Variants in CCDC50 observed in about 807,000 individuals in gnomAD.
CCDC50 encodes the protein coiled-coil domain-containing protein 50.
CCDC50 carries 54 observed loss-of-function variants against 70.2 expected under a neutral mutation model. That is an observed-to-expected ratio of 0.77 (90% CI 0.62 to 0.96). CCDC50 has a LOEUF of 0.96. Ranked by LOEUF, CCDC50 falls within the 50% of genes least tolerant of loss-of-function variation. The pLI is 0.00. For synonymous variants in CCDC50, 216 were observed against 198.8 expected (o/e 1.09, Z -0.73); for missense variants, 558 against 578.7 (o/e 0.96, Z 0.37).
rs1713875823 is a variant in CCDC50, at chr3:191,396,826, C to T, written c.*5066C>T. 6.6e-6 allele frequency: 1 copy of T among 152,158 alleles called. No homozygotes were observed. The highest frequency in any genetic ancestry group is 6.5e-5 in the Admixed American group (1 of 15,268). The allele number at this position is 152,158 out of a possible 1,614,324, so 9.4% of individuals were successfully genotyped here. ...GTTTGATGCCACAGGCTAACACAAT[C>T]GTGTAATCATGTTGAGTTGTAGAAA... On this transcript the variant is annotated 3_prime_UTR_variant, in exon 12 of 12. Coordinates refer to ENST00000392455, the MANE Select transcript of CCDC50 (RefSeq NM_178335.3).
At chr3:191,370,486 GT>G (rs11328862) in intron 5 of CCDC50, among the ~76,000 whole-genome samples, 42,574 of 139,686 alleles carry the variant, frequency 0.3, 6,280 homozygotes, top group Non-Finnish European at 0.33. Flanking sequence ...TTGTTTTTTT[GT>G]TTTTTTTTTT....
chr3:191,329,657 C>T lies in CCDC50; in HGVS notation c.-18C>T, dbSNP rs777422774. 2 of 1,606,024 alleles carry T rather than the reference C, an allele frequency of 1.2e-6. No homozygotes were observed. Among genetic ancestry groups the T allele is most frequent in the Non-Finnish European group, 1.7e-6 (2 of 1,177,054 alleles). On this transcript the variant is annotated 5_prime_UTR_variant, in exon 1 of 12. Coordinates refer to ENST00000392455, the MANE Select transcript of CCDC50 (RefSeq NM_178335.3). ...CGGGAAGCCCGCGTTAAAGGGGCAA[C>T]CGGGACCCTGGCCCGGTATGGCTGA...
chr3:191,345,294 T>C (rs1452671852), intron 1 of CCDC50, among the ~76,000 whole-genome samples: 1 of 152,216 alleles, frequency 6.6e-6, no homozygotes, highest in Non-Finnish European at 1.5e-5. Flanking sequence ...ACAGGAAGCT[T>C]ATGAGGTTGT....
chr3:191,336,569 A>G (rs1711525393), intron 1 of CCDC50, among the ~76,000 whole-genome samples: 1 of 152,106 alleles, frequency 6.6e-6, no homozygotes, highest in Admixed American at 6.6e-5. Context: ...TACAGTTCTT[A>G]CTAGATACAC....
Position 191,337,402 on chromosome 3 carries a change from C to CT in CCDC50, c.49+7689dup, listed in dbSNP as rs914947188. On this transcript the variant is annotated intron_variant, in intron 1 of 11. Transcript: ENST00000392455. ...TTAAATCATTTTTCTTTCTCTCTCT[C>CT]TTTTTTTTTTAAGACGGTGTCTAGC... is the stretch of plus-strand genomic sequence containing the variant. 1.1e-4 allele frequency among the ~76,000 whole-genome samples: 17 copies of CT among 148,596 alleles called. No homozygotes were observed. The East Asian group carries it at 1.2e-3, about 10-fold the overall frequency.
chr3:191,391,890 G>T lies in CCDC50; in HGVS notation c.*130G>T. On this transcript the variant is annotated 3_prime_UTR_variant, in exon 12 of 12. Coordinates refer to ENST00000392455, the MANE Select transcript of CCDC50 (RefSeq NM_178335.3). Reference sequence around the variant, plus strand: ...GGGATTTATCCTCAAGTGCATTTCTGACCATAAGTAATTTTAATTCATTTC... The same window carrying T: ...GGGATTTATCCTCAAGTGCATTTCTTACCATAAGTAATTTTAATTCATTTC... 1.2e-6 allele frequency: 1 copy of T among 800,650 alleles called. No homozygotes were observed. The highest frequency in any genetic ancestry group is 1.6e-5 in the South Asian group (1 of 63,048). The allele number at this position is 800,650 out of a possible 1,614,324, so 49.6% of individuals were successfully genotyped here. A position where few individuals can be genotyped will look rare whatever the true frequency, so the allele number is the denominator to read the frequency against.
chr3:191,359,042 A>G (rs745767570), intron 3 of CCDC50, among the ~76,000 whole-genome samples: 2 of 152,218 alleles, frequency 1.3e-5, no homozygotes, highest in South Asian at 2.1e-4. Flanking sequence ...ATCTGGCACC[A>G]TGAAAGGAGA....
intron 1 of CCDC50, among the ~76,000 whole-genome samples, chr3:191,343,118 G>A (rs1002360570): frequency 1.3e-5 from 2 of 152,138 alleles, no homozygotes; most frequent in African/African-American, 4.8e-5. Flanking sequence ...ATATACCTGA[G>A]TTCCGCAGGG....
chr3:191,380,243 T>C lies in CCDC50; in HGVS notation c.1061T>C (p.Ile354Thr). The C allele has an allele frequency of 6.2e-7, 1 of 1,612,794 alleles. No homozygotes were observed. The highest frequency in any genetic ancestry group is 2.2e-5 in the East Asian group (1 of 44,820). The change falls in exon 7 of 12, where the codon ATT (isoleucine) becomes ACT (threonine). Residue 354 changes from isoleucine (I) to threonine (T), a missense_variant. Transcript: ENST00000392455. The stretch of plus-strand genomic sequence containing the variant: ...GATCAGGAATGGTATGATGCTGAAA[T>C]TGCCAGAAAACTGCAAGAAGAAGAA... ...HRDQEWYDAE[I>T]ARKLQEEELL...
chr3:191,388,673 A>G (rs1713581233), intron 10 of CCDC50, among the ~76,000 whole-genome samples: 1 of 152,218 alleles, frequency 6.6e-6, no homozygotes. Context: ...CTATAACTTT[A>G]CAAACTTCAG....
At chr3:191,362,411 C>T (rs1190523989) in intron 4 of CCDC50, among the ~76,000 whole-genome samples, 1 of 152,120 alleles carries the variant, frequency 6.6e-6, no homozygotes, top group Non-Finnish European at 1.5e-5. Context: ...TGGCATGAGC[C>T]CCTGTGCCCA....
rs1484573965 is a variant in CCDC50 at position 191,397,559 on chromosome 3, A to G, written c.*5799A>G. On this transcript the variant is annotated 3_prime_UTR_variant, in exon 12 of 12. Coordinates refer to ENST00000392455, the MANE Select transcript of CCDC50 (RefSeq NM_178335.3). ...TTCCCTAAGAAGAATCCATCCCAGC[A>G]CATATTTTGAAAAGGTGCTGAATTA... 1 of 152,234 alleles carries G rather than the reference A, an allele frequency of 6.6e-6. No individual in the cohort carries two copies. Among genetic ancestry groups the G allele is most frequent in the Non-Finnish European group, 1.5e-5 (1 of 68,030 alleles). 9.4% of individuals were successfully genotyped at this position (152,234 alleles called of 1,614,324 possible). A position where few individuals can be genotyped will look rare whatever the true frequency, so the allele number is the denominator to read the frequency against.
chr3:191,330,453 T>C (rs1405255754), intron 1 of CCDC50: 1 of 152,258 alleles, frequency 6.6e-6, no homozygotes, highest in Admixed American at 6.5e-5. Flanking sequence ...TGACTTCCCT[T>C]CTCTTGTTTT....
intron 6 of CCDC50, among the ~76,000 whole-genome samples, chr3:191,376,952 G>C (rs1356398064): frequency 6.6e-6 from 1 of 152,144 alleles, no homozygotes; most frequent in East Asian, 1.9e-4. Flanking sequence ...CTGAGGGCTA[G>C]TTAGGCTTTA....
rs925828383 is a variant in CCDC50 at position 191,374,979 on chromosome 3, G to C, written c.449-83G>C. The C allele has an allele frequency of 1.2e-4, 164 of 1,396,098 alleles. 1 individual carries two copies. The highest frequency in any genetic ancestry group is 4.6e-4 in the East Asian group (20 of 43,210). The allele number at this position is 1,396,098 out of a possible 1,614,324, so 86.5% of individuals were successfully genotyped here. On this transcript the variant is annotated intron_variant, in intron 5 of 11. Transcript: ENST00000392455. ...TTAAAGTACGTTAAACTGGAGCCCA[G>C]ACTCCCCCCTGTGTAGTGAGTTCAT... is the stretch of plus-strand genomic sequence containing the variant.
intron 1 of CCDC50, among the ~76,000 whole-genome samples, chr3:191,355,412 G>A (rs943914067): frequency 1.3e-5 from 2 of 152,100 alleles, no homozygotes; most frequent in Admixed American, 6.6e-5. Flanking sequence ...GAGAATATGC[G>A]ATGGTTAATG....
chr3:191,375,009 C>CT, intron 5 of CCDC50, 53 bp from the exon 6 acceptor site: 1 of 1,573,274 alleles, frequency 6.4e-7, no homozygotes. Flanking sequence ...GTTCATAACT[C>CT]TCATTAAATT....
intron 1 of CCDC50, among the ~76,000 whole-genome samples, chr3:191,335,913 A>G (rs999100699): frequency 2.0e-5 from 3 of 150,560 alleles, no homozygotes; most frequent in Non-Finnish European, 4.4e-5. Context: ...CTAACCCCCA[A>G]ACTTCTCAAC....
chr3:191,355,073 T>A (rs1712234077), intron 1 of CCDC50, among the ~76,000 whole-genome samples: 1 of 152,190 alleles, frequency 6.6e-6, no homozygotes, highest in African/African-American at 2.4e-5. Flanking sequence ...CTCTAGACTA[T>A]TGACTTTTAA....
Sources: gnomAD v4.1 joint callset for allele counts (sites outside exome capture counted in the v4.1 genomes callset) on GRCh38, gnomAD v4.1.1 for gene constraint, MANE v1.5 for transcripts, NCBI Gene and HGNC (gene_info 2026-07-23, HGNC 2026-07-21) for gene names.